Variants in DPYSL3 observed in about 807,000 individuals in gnomAD.
DPYSL3 encodes dihydropyrimidinase like 3.
A neutral mutation model predicts 66.1 loss-of-function variants in DPYSL3; 16 were observed. That is an observed-to-expected ratio of 0.24 (90% confidence interval 0.16 to 0.37). The LOEUF (loss-of-function observed/expected upper bound fraction) is 0.37, where lower values mean the gene tolerates loss of function less well. Ranked by LOEUF, DPYSL3 falls within the 10% of genes least tolerant of loss-of-function variation. DPYSL3 has a pLI of 1.00. For synonymous variants in DPYSL3, 338 were observed against 345.1 expected, an observed-to-expected ratio of 0.98 and a Z score of 0.23; for missense variants, 738 against 916.2, an observed-to-expected ratio of 0.81 and a Z score of 2.51.
At chr5:147,495,057 T>A (rs946943577) in intron 1 of DPYSL3, among the ~76,000 whole-genome samples, 3 of 151,982 alleles carry the variant, frequency 2.0e-5, no homozygotes, top group Non-Finnish European at 4.4e-5. Context: ...AGAAACCAAA[T>A]CAATAATTAC....
intron 1 of DPYSL3, among the ~76,000 whole-genome samples, chr5:147,430,460 A>C (rs1752291320): frequency 6.6e-6 from 1 of 151,200 alleles, no homozygotes; most frequent in Admixed American, 6.6e-5. Context: ...CAGTGAGCCA[A>C]GATCGCACCA....
intron 1 of DPYSL3, among the ~76,000 whole-genome samples, chr5:147,451,246 G>C (rs889583860): frequency 3.9e-5 from 6 of 152,182 alleles, no homozygotes; most frequent in African/African-American, 1.4e-4. Context: ...TAAAACCAAT[G>C]AATTCAAGGC....
intron 1 of DPYSL3, among the ~76,000 whole-genome samples, chr5:147,502,441 T>C (rs1214744402): frequency 6.6e-6 from 1 of 152,006 alleles, no homozygotes; most frequent in African/African-American, 2.4e-5. Flanking sequence ...CCTAGGTTAA[T>C]GGCAGTTTTC....
chr5:147,506,285 T>C (rs1326600511), intron 1 of DPYSL3, among the ~76,000 whole-genome samples: 1 of 152,102 alleles, frequency 6.6e-6, no homozygotes, highest in Non-Finnish European at 1.5e-5. Flanking sequence ...GGGTGGTTTG[T>C]TTTAAATTAA....
chr5:147,479,014 A>C (rs540531529), intron 1 of DPYSL3, among the ~76,000 whole-genome samples: 3 of 152,274 alleles, frequency 2.0e-5, no homozygotes, highest in South Asian at 4.2e-4. Context: ...GTGAGCAATA[A>C]ATTTTTGTGG....
chr5:147,460,359 T>A (rs1014779317), intron 1 of DPYSL3, among the ~76,000 whole-genome samples: 2 of 152,150 alleles, frequency 1.3e-5, no homozygotes, highest in Non-Finnish European at 2.9e-5. Context: ...CAGCAAGGAA[T>A]CCCAGGTTTT....
At chr5:147,430,197 GA>G (rs1174668469) in intron 1 of DPYSL3, among the ~76,000 whole-genome samples, 1 of 151,708 alleles carries the variant, frequency 6.6e-6, no homozygotes, top group Non-Finnish European at 1.5e-5. Flanking sequence ...AAGGAGGGAA[GA>G]AAAAAGAAGG....
At chr5:147,478,308 C>T (rs144527690) in intron 1 of DPYSL3, among the ~76,000 whole-genome samples, 86 of 152,254 alleles carry the variant, frequency 5.6e-4, no homozygotes, top group African/African-American at 1.8e-3. Context: ...GAGGCTGGAA[C>T]ATGTAGTTTT....
At position 147,509,362 on chromosome 5, in the gene DPYSL3, T is replaced by C; in HGVS notation, c.381+116A>G. ...TCAGTGGAGGATGACCCTTTCCTCC[T>C]CCTTGTCCCCCAGCCCCGTGCAAAG... On this transcript the variant is annotated intron_variant, in intron 1 of 13. Coordinates refer to ENST00000343218, the MANE Select transcript of DPYSL3 (RefSeq NM_001197294.2). The surrounding 1 kb of genome is among the most constrained non-coding windows in gnomAD (Gnocchi z 5.3). 7.4e-7 allele frequency: 1 copy of C among 1,347,344 alleles called. No individual in the cohort carries two copies. The highest frequency in any genetic ancestry group is 9.8e-7 in the Non-Finnish European group (1 of 1,021,378). The allele number at this position is 1,347,344 out of a possible 1,614,324, so 83.5% of individuals were successfully genotyped here.
In DPYSL3 at chr5:147,393,857, G is replaced by A. The variant is rs1342090245; in HGVS notation, c.*178C>T. On this transcript the variant is annotated 3_prime_UTR_variant, in exon 14 of 14. Coordinates refer to ENST00000343218, the MANE Select transcript of DPYSL3 (RefSeq NM_001197294.2). ...AGGCTATGCATAAACAGAAAACAAA[G>A]CAATATTCGTAAAGCTAGGCAAGCG... is the stretch of plus-strand genomic sequence containing the variant. 2 of 658,554 alleles carry A rather than the reference G, an allele frequency of 3.0e-6. No individual in the cohort carries two copies. Among genetic ancestry groups the A allele is most frequent in the Non-Finnish European group, 5.2e-6 (2 of 383,098 alleles). The allele number at this position is 658,554 out of a possible 1,614,324, so 40.8% of individuals were successfully genotyped here.
intron 1 of DPYSL3, among the ~76,000 whole-genome samples, chr5:147,425,426 C>T (rs941960190): frequency 6.6e-6 from 1 of 152,124 alleles, no homozygotes; most frequent in Non-Finnish European, 1.5e-5. Flanking sequence ...TGCAATTACA[C>T]GAGGGCATGC....
intron 9 of DPYSL3, among the ~76,000 whole-genome samples, chr5:147,401,294 G>C (rs1374203310): frequency 6.6e-6 from 1 of 152,160 alleles, no homozygotes; most frequent in African/African-American, 2.4e-5. Context: ...TCTTACCATA[G>C]AGCTTGGTAC....
intron 1 of DPYSL3, among the ~76,000 whole-genome samples, chr5:147,467,992 T>C (rs1488498006): frequency 1.3e-5 from 2 of 152,180 alleles, no homozygotes; most frequent in Non-Finnish European, 2.9e-5. Context: ...CAGAGCCTTA[T>C]TGATTAATCA....
At chr5:147,463,456 C>G (rs77925481) in intron 1 of DPYSL3, among the ~76,000 whole-genome samples, 1 of 151,986 alleles carries the variant, frequency 6.6e-6, no homozygotes, top group Non-Finnish European at 1.5e-5. Context: ...ATTAAAAGAT[C>G]GAGGAAAAGA....
chr5:147,437,829 T>A (rs1197979627), intron 1 of DPYSL3, among the ~76,000 whole-genome samples: 1 of 152,134 alleles, frequency 6.6e-6, no homozygotes, highest in African/African-American at 2.4e-5. Context: ...AAATAATATC[T>A]TTTTCAAAGG....
intron 1 of DPYSL3, among the ~76,000 whole-genome samples, chr5:147,465,341 C>T (rs1752994973): frequency 6.6e-6 from 1 of 152,108 alleles, no homozygotes; most frequent in Non-Finnish European, 1.5e-5. Context: ...GCACTGTTGC[C>T]CAGGCTGGAG....
intron 10 of DPYSL3, 42 bp from the exon 11 acceptor site, chr5:147,399,294 T>A (rs868481982): frequency 6.3e-7 from 1 of 1,586,890 alleles, no homozygotes; most frequent in Non-Finnish European, 8.6e-7. Context: ...TATAGCTACA[T>A]ATATATCAAT....
intron 1 of DPYSL3, among the ~76,000 whole-genome samples, chr5:147,502,058 C>T (rs1753619794): frequency 6.6e-6 from 1 of 152,040 alleles, no homozygotes; most frequent in Non-Finnish European, 1.5e-5. Flanking sequence ...CAATTCTGGA[C>T]ACTGGGATGC....
At chr5:147,420,454 T>C (rs1334589068) in intron 2 of DPYSL3, among the ~76,000 whole-genome samples, 1 of 152,162 alleles carries the variant, frequency 6.6e-6, no homozygotes, top group Non-Finnish European at 1.5e-5. Flanking sequence ...TTTGCATATA[T>C]ACAGATATCT....
Sources: gnomAD v4.1 joint callset for allele counts (sites outside exome capture counted in the v4.1 genomes callset) on GRCh38, gnomAD v4.1.1 for gene constraint, Gnocchi (gnomAD v3.1) non-coding constraint, MANE v1.5 for transcripts, NCBI Gene and HGNC (gene_info 2026-07-23, HGNC 2026-07-21) for gene names.